Variants in CAMK2G observed in about 807,000 individuals in gnomAD.
CAMK2G encodes calcium/calmodulin dependent protein kinase II gamma.
In CAMK2G, 23 loss-of-function variants were observed where a neutral mutation model predicts 88.7. That is an observed-to-expected ratio of 0.26 (90% confidence interval 0.19 to 0.37). CAMK2G has a LOEUF of 0.37. Among genes scored for constraint, CAMK2G ranks in the 10% least tolerant of loss-of-function variants. The pLI, the probability that CAMK2G is intolerant of heterozygous loss-of-function variation, is 1.00. For missense variants in CAMK2G, 476 were observed against 780.8 expected (o/e 0.61, Z 4.65); for synonymous variants, 263 against 294.8 (o/e 0.89, Z 1.11).
chr10:73,871,944 G>A (rs1361790628), intron 2 of CAMK2G, among the ~76,000 whole-genome samples: 5 of 152,136 alleles, frequency 3.3e-5, no homozygotes, highest in African/African-American at 7.2e-5. Flanking sequence ...AGAGAAACCC[G>A]TGTCATTATT....
intron 17 of CAMK2G, among the ~76,000 whole-genome samples, chr10:73,822,234 C>G (rs2089162220): frequency 6.6e-6 from 1 of 152,182 alleles, no homozygotes; most frequent in African/African-American, 2.4e-5. Flanking sequence ...ATGGCATGAT[C>G]TCGGCTCACT....
intron 12 of CAMK2G, among the ~76,000 whole-genome samples, chr10:73,840,729 G>T (rs1294551364): frequency 6.6e-6 from 1 of 152,220 alleles, no homozygotes; most frequent in Non-Finnish European, 1.5e-5. Context: ...TGACTGGCTG[G>T]GCTAAAAGAG....
In CAMK2G at chr10:73,819,534, G is replaced by C. The variant is rs2087019133; in HGVS notation, c.1361C>G (p.Ala454Gly). 5 of 1,544,618 alleles carry C rather than the reference G, an allele frequency of 3.2e-6. No individual in the cohort carries two copies. Among genetic ancestry groups the C allele is most frequent in the Non-Finnish European group, 2.6e-6 (3 of 1,142,294 alleles). ...GAATGTGCCTCCCTCACACTTACTG[G>C]CTGAGGAGCAGAGAGAAGGCTGGGG... is the stretch of plus-strand genomic sequence containing the variant. ...MQPQPSLCSS[A>G]MRKQEIIKIT... Residue 454 changes from alanine (A) to glycine (G), a missense_variant and splice_region_variant, in exon 19 of 23, where the codon GCC becomes GGC. Around this residue, in one of 3 missense-constraint regions of CAMK2G, gnomAD observed 278 missense variants for 366.5 expected, o/e 0.76. Transcript: ENST00000423381.
chr10:73,825,685 G>C (rs2090694218), intron 15 of CAMK2G, among the ~76,000 whole-genome samples: 1 of 152,128 alleles, frequency 6.6e-6, no homozygotes, highest in African/African-American at 2.4e-5. Flanking sequence ...CCACTGTACA[G>C]GAAAAAGGGG....
intron 3 of CAMK2G, among the ~76,000 whole-genome samples, 182 bp downstream of exon 3, chr10:73,860,648 A>G (rs1418688370): frequency 6.6e-6 from 1 of 152,174 alleles, no homozygotes; most frequent in Admixed American, 6.5e-5. Context: ...TGATGCAGAT[A>G]CTCAGGTCTC....
chr10:73,833,638 CA>C (rs2092812515), intron 14 of CAMK2G, among the ~76,000 whole-genome samples: 1 of 151,682 alleles, frequency 6.6e-6, no homozygotes, highest in Admixed American at 6.6e-5. Context: ...CTCTGTCCCC[CA>C]GGCTGGAGTG....
At chr10:73,826,011 G>A (rs780455172) in intron 15 of CAMK2G, among the ~76,000 whole-genome samples, 19 of 152,198 alleles carry the variant, frequency 1.2e-4, no homozygotes, top group Admixed American at 1.0e-3. Flanking sequence ...CCGGGGAGGG[G>A]CAGGTGAAAC....
At chr10:73,828,338 A>G (rs2091652294) in intron 14 of CAMK2G, among the ~76,000 whole-genome samples, 1 of 152,212 alleles carries the variant, frequency 6.6e-6, no homozygotes, top group African/African-American at 2.4e-5. Context: ...TTTTGTGGTC[A>G]GGTTCATAGA....
At chr10:73,820,285 G>A (rs1354324262) in intron 18 of CAMK2G, among the ~76,000 whole-genome samples, 4 of 151,318 alleles carry the variant, frequency 2.6e-5, no homozygotes, top group Non-Finnish European at 4.4e-5. Flanking sequence ...CCCTCCCACC[G>A]CCCTGGCACT....
chr10:73,831,613 T>C (rs2092458142), intron 14 of CAMK2G, among the ~76,000 whole-genome samples: 1 of 150,932 alleles, frequency 6.6e-6, no homozygotes, highest in African/African-American at 2.4e-5. Flanking sequence ...CTCATGCCTG[T>C]AACCCCCGCA....
In CAMK2G at chr10:73,812,586, C is replaced by T. The variant is rs935103574; in HGVS notation, c.*1932G>A. The T allele has an allele frequency of 2.0e-5, 3 of 152,628 alleles. No individual in the cohort carries two copies. Among genetic ancestry groups the T allele is most frequent in the Non-Finnish European group, 2.9e-5 (2 of 68,002 alleles). The allele number at this position is 152,628 out of a possible 1,614,324, so 9.5% of individuals were successfully genotyped here. On this transcript the variant is annotated 3_prime_UTR_variant, in exon 23 of 23. Coordinates refer to ENST00000423381, the MANE Select transcript of CAMK2G (RefSeq NM_001367534.1). The stretch of plus-strand genomic sequence containing the variant: ...ATGAAGGGTCTACCAACATTCAGAA[C>T]AAACACTATTTTTAAATTATTTCTA...
chr10:73,831,093 C>T (rs953443003), intron 14 of CAMK2G, among the ~76,000 whole-genome samples: 3 of 152,176 alleles, frequency 2.0e-5, no homozygotes, highest in Non-Finnish European at 2.9e-5. Flanking sequence ...CTCTCCTTTT[C>T]GTTTCTCACC....
intron 5 of CAMK2G, among the ~76,000 whole-genome samples, chr10:73,851,245 T>A (rs1267309723): frequency 6.6e-6 from 1 of 152,118 alleles, no homozygotes; most frequent in Non-Finnish European, 1.5e-5. Flanking sequence ...GCAGGCAGGA[T>A]GATCAAAACC....
At chr10:73,816,987 C>A in intron 21 of CAMK2G, 36 bp downstream of exon 21, 2 of 1,613,916 alleles carry the variant, frequency 1.2e-6, no homozygotes, top group Non-Finnish European at 1.7e-6. Context: ...GGTAAAGGGG[C>A]AGGCAGGAGT....
At position 73,824,150 on chromosome 10, in the gene CAMK2G, C is replaced by T. The variant is rs949048502; in HGVS notation, c.1156-66G>A. 3.3e-6 allele frequency: 4 copies of T among 1,202,748 alleles called. No individual in the cohort carries two copies. In the African/African-American group the frequency reaches 4.5e-5, roughly 13 times the overall value. The allele number at this position is 1,202,748 out of a possible 1,614,324, so 74.5% of individuals were successfully genotyped here. Reference sequence around the variant, plus strand: ...AGACTATGGCTCTTCCCTGAGGAGCCCCACCTGCACCCCAGGACCCCCGCA... The same window carrying T: ...AGACTATGGCTCTTCCCTGAGGAGCTCCACCTGCACCCCAGGACCCCCGCA... On this transcript the variant is annotated intron_variant, in intron 16 of 22. Transcript: ENST00000423381.
At position 73,848,385 on chromosome 10, in the gene CAMK2G, C is replaced by T; in HGVS notation, c.601+141G>A. The stretch of plus-strand genomic sequence containing the variant: ...AGGGAGGAGGGTGTGATGGGAACAG[C>T]CATCCCAGGGGCAAACACCATAATT... On this transcript the variant is annotated intron_variant, in intron 8 of 22. Transcript: ENST00000423381. This position sits in a 1 kb window ranked among gnomAD's most constrained non-coding sequence, Gnocchi z 4.5. The T allele has an allele frequency of 2.9e-6, 2 of 691,188 alleles. No homozygotes were observed. The highest frequency in any genetic ancestry group is 2.7e-5 in the East Asian group (1 of 37,040). 42.8% of individuals were successfully genotyped at this position (691,188 alleles called of 1,614,324 possible). A position where few individuals can be genotyped will look rare whatever the true frequency, so the allele number is the denominator to read the frequency against.
chr10:73,820,266 C>A (rs956178421), intron 18 of CAMK2G, among the ~76,000 whole-genome samples: 5 of 151,590 alleles, frequency 3.3e-5, no homozygotes, highest in Non-Finnish European at 5.9e-5. Context: ...GGGGGTCCAG[C>A]CTGCCATGCC....
At chr10:73,851,169 C>T (rs985205223) in intron 5 of CAMK2G, among the ~76,000 whole-genome samples, 6 of 152,204 alleles carry the variant, frequency 3.9e-5, no homozygotes, top group Admixed American at 2.6e-4. Context: ...TTGAGAAATT[C>T]GTGAGGAAGC....
chr10:73,854,368 T>C (rs2094870317), intron 3 of CAMK2G, among the ~76,000 whole-genome samples: 1 of 152,172 alleles, frequency 6.6e-6, no homozygotes, highest in African/African-American at 2.4e-5. Flanking sequence ...TCTTCAAGTT[T>C]CTGCCCACAA....
Sources: allele counts gnomAD v4.1 joint callset (sites outside exome capture counted in the v4.1 genomes callset), GRCh38; gene constraint gnomAD v4.1.1; regional missense constraint gnomAD v4.1.1; non-coding constraint Gnocchi (gnomAD v3.1); transcripts MANE v1.5; gene names NCBI Gene and HGNC (gene_info 2026-07-23, HGNC 2026-07-21).